The following NPNT variants were observed in gnomAD, a reference collection of about 807,000 sequenced individuals.
The protein encoded by NPNT is preosteoblast EGF-like repeat protein with MAM domain.
A neutral mutation model predicts 68.6 loss-of-function variants in NPNT; 45 were observed. That is an observed-to-expected ratio of 0.66 (90% CI 0.52 to 0.84). The LOEUF (loss-of-function observed/expected upper bound fraction) is 0.84. Among genes scored for constraint, NPNT ranks in the 40% least tolerant of loss-of-function variants. The pLI, the probability that NPNT is intolerant of heterozygous loss-of-function variation, is 0.00. For missense variants in NPNT, 672 were observed against 714.8 expected (o/e 0.94, Z 0.68); for synonymous variants, 233 against 253.3 (o/e 0.92, Z 0.76).
intron 3 of NPNT, among the ~76,000 whole-genome samples, chr4:105,931,546 C>G (rs886764818): frequency 6.6e-6 from 1 of 151,742 alleles, no homozygotes; most frequent in Non-Finnish European, 1.5e-5. Context: ...TGGTTCCAGC[C>G]GGGCGCCGTG....
chr4:105,912,672 A>G, intron 2 of NPNT: 2 of 513,936 alleles, frequency 3.9e-6, no homozygotes, highest in Non-Finnish European at 5.0e-6. Flanking sequence ...TTTTTATTGT[A>G]TGAAATATGT....
chr4:105,918,700 A>G (rs1179813284), intron 2 of NPNT, among the ~76,000 whole-genome samples: 1 of 152,152 alleles, frequency 6.6e-6, no homozygotes, highest in East Asian at 1.9e-4. Context: ...GGAGGATGAG[A>G]ACTTGCTCTC....
chr4:105,932,034 G>C (rs1729154929), intron 3 of NPNT, among the ~76,000 whole-genome samples: 1 of 152,068 alleles, frequency 6.6e-6, no homozygotes, highest in South Asian at 2.1e-4. Context: ...TTTGCATAAA[G>C]CTTCTCATGT....
At chr4:105,938,166 G>A in intron 4 of NPNT, 135 bp from the exon 5 acceptor site, 1 of 677,978 alleles carries the variant, frequency 1.5e-6, no homozygotes, top group South Asian at 2.2e-5. Flanking sequence ...TTCTTTAGAT[G>A]TTTGATAGTT....
intron 8 of NPNT, among the ~76,000 whole-genome samples, chr4:105,955,337 A>G (rs1006208082): frequency 2.6e-5 from 4 of 152,336 alleles, no homozygotes; most frequent in Admixed American, 6.5e-5. Flanking sequence ...TGCATTGATC[A>G]AAATAGCTCC....
intron 2 of NPNT, among the ~76,000 whole-genome samples, chr4:105,904,142 A>G (rs1578576565): frequency 6.6e-6 from 1 of 152,180 alleles, no homozygotes; most frequent in Non-Finnish European, 1.5e-5. Context: ...GTAATTTATT[A>G]GCAAGTCTCT....
chr4:105,897,886 CT>C lies in NPNT; in HGVS notation c.72-6del, dbSNP rs201634173. The C allele has an allele frequency of 3.5e-4, 533 of 1,537,424 alleles. No individual in the cohort carries two copies. The highest frequency in any genetic ancestry group is 5.1e-4 in the Middle Eastern group (3 of 5,872). ...AAAAGTGTCCTTATTTATTTTGAAT[CT>C]TTTTTTTTGGTAGGTGGCCCAGGCA... On this transcript the variant is annotated splice_polypyrimidine_tract_variant and intron_variant, in intron 1 of 11. Transcript: ENST00000379987.
chr4:105,935,674 G>A (rs1257715165), intron 3 of NPNT, among the ~76,000 whole-genome samples: 1 of 152,116 alleles, frequency 6.6e-6, no homozygotes, highest in Non-Finnish European at 1.5e-5. Context: ...AAAGTATTTG[G>A]TTTATTTATT....
chr4:105,928,340 G>A (rs948402844), intron 3 of NPNT, among the ~76,000 whole-genome samples: 2 of 152,122 alleles, frequency 1.3e-5, no homozygotes, highest in African/African-American at 2.4e-5. Flanking sequence ...TTGGCCTGGC[G>A]TGGTGGCTCA....
chr4:105,961,118 T>C (rs1258170567), intron 10 of NPNT, among the ~76,000 whole-genome samples: 1 of 152,188 alleles, frequency 6.6e-6, no homozygotes, highest in African/African-American at 2.4e-5. Context: ...GTTACCTGTT[T>C]CCTAAGGCCA....
At chr4:105,967,496 A>G (rs1377309521) in intron 11 of NPNT, 52 bp downstream of exon 11, 28 of 1,484,106 alleles carry the variant, frequency 1.9e-5, no homozygotes, top group Non-Finnish European at 2.5e-5. Context: ...CTTTCATAGG[A>G]GAACTCTGGG....
At chr4:105,911,768 C>A (rs533552937) in intron 2 of NPNT, 93 of 192,502 alleles carry the variant, frequency 4.8e-4, no homozygotes, top group Non-Finnish European at 8.7e-4. Context: ...AACTATTAGC[C>A]TTTCTTACTA....
At position 105,927,476 on chromosome 4, in the gene NPNT, A is replaced by T. The variant is rs757102688; in HGVS notation, c.265+48A>T. ...ATACACAATCGAAGACACCTCTATC[A>T]CTCCCAAATTAAAAATATTCTTATC... is the stretch of plus-strand genomic sequence containing the variant. On this transcript the variant is annotated intron_variant, in intron 3 of 11. Transcript: ENST00000379987. 6.7e-5 allele frequency: 73 copies of T among 1,096,922 alleles called. 1 individual carries two copies. The East Asian group carries it at 1.8e-3, about 27-fold the overall frequency. The allele number at this position is 1,096,922 out of a possible 1,614,324, so 67.9% of individuals were successfully genotyped here. A position where few individuals can be genotyped will look rare whatever the true frequency, so the allele number is the denominator to read the frequency against.
At chr4:105,954,161 G>C (rs1407803975) in intron 8 of NPNT, among the ~76,000 whole-genome samples, 1 of 152,134 alleles carries the variant, frequency 6.6e-6, no homozygotes, top group East Asian at 1.9e-4. Flanking sequence ...TCCTTTTTGT[G>C]GCTGATTTTA....
chr4:105,951,404 C>G (rs1327544914), intron 8 of NPNT, among the ~76,000 whole-genome samples: 1 of 152,136 alleles, frequency 6.6e-6, no homozygotes, highest in East Asian at 1.9e-4. Context: ...GCGTGTTGTC[C>G]TGAGGTTTTT....
chr4:105,948,442 A>G (rs1200621929), intron 8 of NPNT, among the ~76,000 whole-genome samples: 3 of 152,124 alleles, frequency 2.0e-5, no homozygotes, highest in Non-Finnish European at 4.4e-5. Context: ...CATCTGTAAA[A>G]TTGAGGGAAT....
rs1732253172 is a variant in NPNT, at chr4:105,967,426, A to G, written c.1584A>G (p.Arg528=). 1 of 1,593,922 alleles carries G rather than the reference A, an allele frequency of 6.3e-7. No individual in the cohort carries two copies. Among genetic ancestry groups the G allele is most frequent in the African/African-American group, 1.3e-5 (1 of 74,344 alleles). Residue 528 remains arginine (R), a synonymous_variant, in exon 11 of 12, where the codon CGA becomes CGG. Transcript: ENST00000379987. ...GGAGGCAAACACAGATCACCTTGCG[A>G]GGGGCTGACATCAAGAGCGTAAGTA... ...HGWRQTQITL[R]GADIKSVVFK...
At chr4:105,931,087 A>C (rs983107738) in intron 3 of NPNT, among the ~76,000 whole-genome samples, 4 of 152,020 alleles carry the variant, frequency 2.6e-5, no homozygotes, top group African/African-American at 9.7e-5. Context: ...TGCTTCCTTT[A>C]CTTTTACTTT....
At chr4:105,910,227 T>A (rs1318756674) in intron 2 of NPNT, among the ~76,000 whole-genome samples, 1 of 152,194 alleles carries the variant, frequency 6.6e-6, no homozygotes. Context: ...CACAATTTCA[T>A]AAAATCATCA....
Sources: allele counts gnomAD v4.1 joint callset (sites outside exome capture counted in the v4.1 genomes callset), GRCh38; gene constraint gnomAD v4.1.1; transcripts MANE v1.5; gene names NCBI Gene and HGNC (gene_info 2026-07-23, HGNC 2026-07-21).